Variants in DAB1 observed in about 807,000 individuals in gnomAD.
The protein encoded by DAB1 is DAB adaptor protein 1.
In DAB1, 15 loss-of-function variants were observed where a neutral mutation model predicts 64.6. That is an observed-to-expected ratio of 0.23 (90% CI 0.16 to 0.36). DAB1 has a LOEUF of 0.36. Ranked by LOEUF, DAB1 falls within the 10% of genes least tolerant of loss-of-function variation. DAB1 has a pLI of 1.00. For missense variants in DAB1, 596 were observed against 706.7 expected, an observed-to-expected ratio of 0.84 and a Z score of 1.78; for synonymous variants, 235 against 251.9, an observed-to-expected ratio of 0.93 and a Z score of 0.64.
intron 6 of DAB1, among the ~76,000 whole-genome samples, chr1:57,735,780 T>C (rs1352326134): frequency 6.6e-6 from 1 of 152,136 alleles, no homozygotes; most frequent in Non-Finnish European, 1.5e-5. Flanking sequence ...GTTTAGAATG[T>C]TAAATATCCA....
intron 3 of DAB1, among the ~76,000 whole-genome samples, chr1:58,351,929 T>C (rs183839514): frequency 2.7e-5 from 4 of 149,028 alleles, no homozygotes; most frequent in South Asian, 2.2e-4. Flanking sequence ...TTCAGGGAAG[T>C]TGGAGTAGGA....
intron 5 of DAB1, among the ~76,000 whole-genome samples, chr1:58,071,818 T>C (rs987683869): frequency 7.2e-5 from 11 of 152,238 alleles, no homozygotes; most frequent in Middle Eastern, 3.4e-3. Flanking sequence ...ATTTTTCTAA[T>C]TGACAATTGA....
chr1:57,669,982 C>T (rs567862360), intron 6 of DAB1, among the ~76,000 whole-genome samples: 36 of 151,978 alleles, frequency 2.4e-4, no homozygotes, highest in Non-Finnish European at 3.4e-4. Context: ...TCAAATATAA[C>T]GATATTGGTA....
chr1:58,201,013 G>GT (rs1657966102), intron 4 of DAB1, among the ~76,000 whole-genome samples: 1 of 144,820 alleles, frequency 6.9e-6, no homozygotes, highest in East Asian at 2.2e-4. Flanking sequence ...GTCTATTTTT[G>GT]TTTGTTTTGT....
intron 7 of DAB1, among the ~76,000 whole-genome samples, chr1:57,648,827 T>G (rs1159589659): frequency 1.3e-5 from 2 of 152,184 alleles, no homozygotes; most frequent in Non-Finnish European, 2.9e-5. Context: ...TTAGGGGTAA[T>G]CTATGGCAGA....
chr1:57,785,577 G>T (rs559430165), intron 6 of DAB1, among the ~76,000 whole-genome samples: 2 of 152,132 alleles, frequency 1.3e-5, no homozygotes, highest in Non-Finnish European at 2.9e-5. Context: ...AGATTTCAGT[G>T]GAGGAAGAAA....
At chr1:58,412,712 A>G (rs1028254550) in intron 3 of DAB1, among the ~76,000 whole-genome samples, 1 of 152,236 alleles carries the variant, frequency 6.6e-6, no homozygotes, top group African/African-American at 2.4e-5. Flanking sequence ...CAATTGCCCA[A>G]TAAATGTCTA....
chr1:57,825,917 C>G (rs1277939622), downstream of DAB1, among the ~76,000 whole-genome samples: 1 of 152,110 alleles, frequency 6.6e-6, no homozygotes, highest in Non-Finnish European at 1.5e-5. Flanking sequence ...ATTCCGCCCT[C>G]CCAGAATAAT....
intron 7 of DAB1, among the ~76,000 whole-genome samples, chr1:57,577,955 A>G (rs760243682): frequency 1.3e-5 from 2 of 152,184 alleles, no homozygotes; most frequent in South Asian, 4.1e-4. Flanking sequence ...AAGCCAACAC[A>G]TCTCCACATG....
intron 1 of DAB1, among the ~76,000 whole-genome samples, chr1:57,398,504 T>C (rs1682991080): frequency 6.6e-6 from 1 of 152,234 alleles, no homozygotes; most frequent in Non-Finnish European, 1.5e-5. Flanking sequence ...TTTGTTTGTT[T>C]CGGAATATTT....
chr1:57,432,117 G>GAAA (rs113942764), intron 7 of DAB1, among the ~76,000 whole-genome samples: 3 of 117,040 alleles, frequency 2.6e-5, no homozygotes, highest in African/African-American at 9.3e-5. Context: ...GCAAGACTCT[G>GAAA]AAAAAAAAAA....
chr1:57,894,012 C>T (rs1207634923), intron 5 of DAB1, among the ~76,000 whole-genome samples: 3 of 152,246 alleles, frequency 2.0e-5, no homozygotes, highest in Admixed American at 6.5e-5. Context: ...TCAGTAAACA[C>T]ACTGTGCATG....
At chr1:57,037,391 T>A (rs1475169609) in intron 9 of DAB1, among the ~76,000 whole-genome samples, 1 of 152,210 alleles carries the variant, frequency 6.6e-6, no homozygotes, top group East Asian at 1.9e-4. Context: ...AGCAGAGCTA[T>A]GCTGTATAAT....
chr1:57,345,994 C>A (rs186014066), intron 1 of DAB1, among the ~76,000 whole-genome samples: 2 of 152,256 alleles, frequency 1.3e-5, no homozygotes, highest in African/African-American at 2.4e-5. Flanking sequence ...TGGATATTAT[C>A]GTCATCATTT....
At chr1:58,019,110 T>G (rs1291835162) in intron 5 of DAB1, among the ~76,000 whole-genome samples, 1 of 152,176 alleles carries the variant, frequency 6.6e-6, no homozygotes, top group African/African-American at 2.4e-5. Context: ...GGCCCAGATA[T>G]GATGATCTCT....
At chr1:58,545,511 A>T (rs1447799169) in intron 1 of DAB1, among the ~76,000 whole-genome samples, 1 of 22,604 alleles carries the variant, frequency 4.4e-5, no homozygotes. Flanking sequence ...GCACATAAGA[A>T]AAAAAAAAAT....
chr1:57,071,079 G>T lies in DAB1; in HGVS notation c.559-18C>A. 6.2e-7 allele frequency: 1 copy of T among 1,609,108 alleles called. No homozygotes were observed. The highest frequency in any genetic ancestry group is 2.2e-5 in the East Asian group (1 of 44,846). ...AATATTGTCTATTGCAGAGTAAGGAGAGGGAGGGTGAAAAGCAGAGGACAT... is the reference window on the plus strand; with the variant it reads ...AATATTGTCTATTGCAGAGTAAGGATAGGGAGGGTGAAAAGCAGAGGACAT... On this transcript the variant is annotated intron_variant, in intron 6 of 14. Coordinates refer to ENST00000371236, the MANE Select transcript of DAB1 (RefSeq NM_001365792.1).
intron 9 of DAB1, among the ~76,000 whole-genome samples, chr1:57,044,457 C>G (rs2100494897): frequency 6.6e-6 from 1 of 152,314 alleles, no homozygotes; most frequent in East Asian, 1.9e-4. Context: ...AAAAAAGACA[C>G]TTCATGCAAA....
chr1:58,148,045 A>G (rs986488372), intron 5 of DAB1, among the ~76,000 whole-genome samples: 22 of 152,140 alleles, frequency 1.4e-4, no homozygotes, highest in Non-Finnish European at 8.8e-5. Flanking sequence ...TCAGTGACAA[A>G]TGGAATTCAA....
Sources: gnomAD v4.1 joint callset for allele counts (sites outside exome capture counted in the v4.1 genomes callset) on GRCh38, gnomAD v4.1.1 for gene constraint, MANE v1.5 for transcripts, NCBI Gene and HGNC (gene_info 2026-07-23, HGNC 2026-07-21) for gene names.